Variants in ARHGAP39 observed in about 807,000 individuals in gnomAD.
ARHGAP39 encodes the protein Rho GTPase activating protein 39, also known as rho GTPase-activating protein 39.
In ARHGAP39, 44 loss-of-function variants were observed where a neutral mutation model predicts 106.9. That is an observed-to-expected ratio of 0.41 (90% CI 0.32 to 0.53). ARHGAP39 has a LOEUF of 0.53. Ranked by LOEUF, ARHGAP39 falls within the 20% of genes least tolerant of loss-of-function variation. The pLI is 0.21. For synonymous variants in ARHGAP39, 768 were observed against 693.2 expected (o/e 1.11, Z -1.69); for missense variants, 1,496 against 1,577.3 (o/e 0.95, Z 0.87).
intron 1 of ARHGAP39, among the ~76,000 whole-genome samples, chr8:144,659,631 A>G (rs1215401751): frequency 6.6e-6 from 1 of 152,210 alleles, no homozygotes; most frequent in Non-Finnish European, 1.5e-5. Context: ...GGACCTAAAC[A>G]AAGCAATCAG....
intron 6 of ARHGAP39, 76 bp downstream of exon 6, chr8:144,545,173 G>GC: frequency 7.5e-7 from 1 of 1,337,880 alleles, no homozygotes; most frequent in Non-Finnish European, 9.8e-7. Context: ...GACTTCACCA[G>GC]CTGCCGCCCA....
Position 144,529,564 on chromosome 8 carries a change from A to C in ARHGAP39, c.*858T>G, listed in dbSNP as rs1460919542. ...TGGTTTTTGGTCAGAAGCCAAGAAA[A>C]AAGATCGGAGAAGAAAAGAAGGAAT... On this transcript the variant is annotated 3_prime_UTR_variant, in exon 12 of 12. Coordinates refer to ENST00000377307, the MANE Select transcript of ARHGAP39 (RefSeq NM_025251.3). The C allele has an allele frequency of 6.6e-6, 1 of 152,122 alleles. No individual in the cohort carries two copies. The highest frequency in any genetic ancestry group is 1.9e-4 in the East Asian group (1 of 5,178). 9.4% of individuals were successfully genotyped at this position (152,122 alleles called of 1,614,324 possible). A position where few individuals can be genotyped will look rare whatever the true frequency, so the allele number is the denominator to read the frequency against.
rs567313487 is a variant in ARHGAP39 at position 144,552,365 on chromosome 8, C to T, written c.596+3195G>A. On this transcript the variant is annotated intron_variant, in intron 4 of 11. Transcript: ENST00000377307. ...GGCTGCTGTCCCTGCAGAGCCTGGA[C>T]GGAGCTGGGAGAAGCGCGCGGCGGC... 8.8e-4 allele frequency among the ~76,000 whole-genome samples: 134 copies of T among 152,386 alleles called. 1 individual carries two copies. Among genetic ancestry groups the T allele is most frequent in the African/African-American group, 2.0e-3 (83 of 41,602 alleles).
chr8:144,578,539 C>A (rs1188982406), intron 3 of ARHGAP39, among the ~76,000 whole-genome samples: 1 of 152,150 alleles, frequency 6.6e-6, no homozygotes, highest in African/African-American at 2.4e-5. Context: ...AAATTAAAAA[C>A]TTTGTACTTT....
chr8:144,643,360 G>T (rs1821359428), intron 1 of ARHGAP39, among the ~76,000 whole-genome samples: 1 of 152,152 alleles, frequency 6.6e-6, no homozygotes, highest in Admixed American at 6.5e-5. Flanking sequence ...AGGCCGAGTG[G>T]GAGGACTGCT....
At chr8:144,688,180 T>C (rs1486063734), upstream of ARHGAP39, among the ~76,000 whole-genome samples, 2 of 152,126 alleles carry the variant, frequency 1.3e-5, no homozygotes, top group Admixed American at 6.5e-5. Flanking sequence ...CTTGGCTCAT[T>C]GCAACCTCTG....
intron 3 of ARHGAP39, among the ~76,000 whole-genome samples, chr8:144,573,750 C>T (rs1365252981): frequency 2.6e-5 from 4 of 151,920 alleles, no homozygotes; most frequent in Non-Finnish European, 5.9e-5. Context: ...ATGAATTAGC[C>T]CACAAAGCAA....
At chr8:144,655,117 G>A (rs577750075) in intron 1 of ARHGAP39, among the ~76,000 whole-genome samples, 3 of 152,326 alleles carry the variant, frequency 2.0e-5, no homozygotes. Context: ...GCAGCAGGAA[G>A]CAGACAGATT....
At chr8:144,558,352 T>A (rs1183577589) in intron 3 of ARHGAP39, among the ~76,000 whole-genome samples, 1 of 152,144 alleles carries the variant, frequency 6.6e-6, no homozygotes, top group African/African-American at 2.4e-5. Flanking sequence ...AGTGGTGTGA[T>A]CTTGATTTCA....
At chr8:144,599,223 C>T (rs1251887491) in intron 2 of ARHGAP39, among the ~76,000 whole-genome samples, 1 of 152,206 alleles carries the variant, frequency 6.6e-6, no homozygotes, top group East Asian at 1.9e-4. Context: ...TACAAGCAGA[C>T]TGCAGCAGTC....
intron 1 of ARHGAP39, among the ~76,000 whole-genome samples, chr8:144,665,456 A>G (rs1330827954): frequency 1.3e-5 from 2 of 152,262 alleles, no homozygotes; most frequent in Non-Finnish European, 2.9e-5. Context: ...TCGCCAGGCC[A>G]TGTCAGAGAC....
At chr8:144,537,157 G>A (rs770171044) in intron 7 of ARHGAP39, among the ~76,000 whole-genome samples, 25 of 152,134 alleles carry the variant, frequency 1.6e-4, no homozygotes, top group Non-Finnish European at 3.4e-4. Context: ...AAGGTAGAGA[G>A]GTGGAAGCTG....
At chr8:144,675,940 T>G (rs896943439) in intron 1 of ARHGAP39, among the ~76,000 whole-genome samples, 1 of 152,024 alleles carries the variant, frequency 6.6e-6, no homozygotes, top group African/African-American at 2.4e-5. Flanking sequence ...GAAGATAGCA[T>G]GTCCAGAGTT....
chr8:144,615,292 C>A (rs1820604268), intron 1 of ARHGAP39, among the ~76,000 whole-genome samples: 1 of 152,124 alleles, frequency 6.6e-6, no homozygotes, highest in African/African-American at 2.4e-5. Context: ...TGCGCTCTAG[C>A]CTGGGCAACA....
intron 1 of ARHGAP39, among the ~76,000 whole-genome samples, chr8:144,629,345 G>A (rs1343325995): frequency 6.6e-6 from 1 of 152,174 alleles, no homozygotes; most frequent in Non-Finnish European, 1.5e-5. Flanking sequence ...GCACGGCCGT[G>A]AGACCTCCAG....
At chr8:144,533,991 C>T in intron 8 of ARHGAP39, 138 bp downstream of exon 8, 2 of 970,656 alleles carry the variant, frequency 2.1e-6, no homozygotes, top group Non-Finnish European at 3.1e-6. Context: ...CGTACCCCGC[C>T]ACCCGCCTAG....
upstream of ARHGAP39, among the ~76,000 whole-genome samples, chr8:144,686,931 C>CAG (rs1822608991): frequency 5.8e-5 from 1 of 17,134 alleles, no homozygotes. Flanking sequence ...CTGGCGGCGA[C>CAG]CATTTCCCAC....
intron 1 of ARHGAP39, among the ~76,000 whole-genome samples, chr8:144,634,156 C>T (rs1224978610): frequency 2.0e-5 from 3 of 151,760 alleles, no homozygotes; most frequent in Non-Finnish European, 2.9e-5. Context: ...AACTCCAGGC[C>T]TCTGCAGGCG....
intron 1 of ARHGAP39, 94 bp from the exon 2 acceptor site, chr8:144,605,789 G>C: frequency 4.5e-6 from 3 of 665,840 alleles, no homozygotes; most frequent in South Asian, 3.6e-5. Context: ...GGCTGGGCAG[G>C]ATGACGATGG....
Sources: allele counts gnomAD v4.1 joint callset (sites outside exome capture counted in the v4.1 genomes callset), GRCh38; gene constraint gnomAD v4.1.1; transcripts MANE v1.5; gene names NCBI Gene and HGNC (gene_info 2026-07-23, HGNC 2026-07-21).